Variants in TENM2 observed in about 807,000 individuals in gnomAD.
TENM2 encodes the protein teneurin transmembrane protein 2, also known as teneurin-2.
In TENM2, 52 loss-of-function variants were observed where a neutral mutation model predicts 245.2. The ratio of observed to expected loss-of-function variants is 0.21; its 90% CI spans 0.17 to 0.27. The LOEUF is 0.27. Ranked by LOEUF, TENM2 falls within the 10% of genes least tolerant of loss-of-function variation. The pLI is 1.00. For synonymous variants in TENM2, 1,363 were observed against 1,438.9 expected, an observed-to-expected ratio of 0.95 and a Z score of 1.19; for missense variants, 3,046 against 3,666.8, an observed-to-expected ratio of 0.83 and a Z score of 4.37.
chr5:167,282,973 C>T (rs931493257), upstream of TENM2, among the ~76,000 whole-genome samples: 1 of 152,140 alleles, frequency 6.6e-6, no homozygotes, highest in Non-Finnish European at 1.5e-5. Context: ...AAGCTAGCTA[C>T]TGCTTGTGCT....
chr5:167,302,604 C>T lies in TENM2; in HGVS notation c.226+17541C>T, dbSNP rs1445416063. ...GGGGCACAGAGATAAGAGGTCAGGG[C>T]GTGGAAAAGGATCAGGGTGCAGAGA... is the stretch of plus-strand genomic sequence containing the variant. On this transcript the variant is annotated intron_variant, in intron 1 of 28. Transcript: ENST00000518659. Among the ~76,000 whole-genome samples the T allele has an allele frequency of 6.1e-5, 9 of 147,566 alleles. No homozygotes were observed. In the South Asian group the frequency reaches 8.7e-4, roughly 14 times the overall value.
chr5:167,135,578 C>T, the TENM2 span, among the ~76,000 whole-genome samples: 1 of 152,094 alleles, frequency 6.6e-6, no homozygotes, highest in African/African-American at 2.4e-5. Flanking sequence ...AGATCGAGAC[C>T]ATCCTGGCTA....
chr5:167,671,531 G>C (rs1165618827), intron 2 of TENM2, among the ~76,000 whole-genome samples: 2 of 151,952 alleles, frequency 1.3e-5, no homozygotes. Flanking sequence ...AGTTTCCCAA[G>C]TGATTTGACA....
intron 4 of TENM2, 42 bp from the exon 7 acceptor site, chr5:167,992,902 G>A: frequency 1.3e-6 from 2 of 1,506,592 alleles, no homozygotes; most frequent in Middle Eastern, 3.4e-4. Flanking sequence ...GTTGCTCCTT[G>A]GCTACCCATG....
At chr5:168,158,850 T>TATATATATATATATATACACACAC (rs1339051385) in intron 12 of TENM2, among the ~76,000 whole-genome samples, 7 of 62,328 alleles carry the variant, frequency 1.1e-4, no homozygotes, top group Non-Finnish European at 1.9e-4. Flanking sequence ...TATATATATA[T>TATATATATATATATATACACACAC]ACACACACAC....
intron 2 of TENM2, among the ~76,000 whole-genome samples, chr5:167,503,270 A>G (rs1470249786): frequency 6.6e-6 from 1 of 152,226 alleles, no homozygotes; most frequent in African/African-American, 2.4e-5. Flanking sequence ...AATTGGAAGC[A>G]CATAAAGAAA....
the TENM2 span, among the ~76,000 whole-genome samples, chr5:167,067,176 A>G: frequency 6.6e-6 from 1 of 152,182 alleles, no homozygotes; most frequent in African/African-American, 2.4e-5. Context: ...GAGGGTGCAT[A>G]TTTTAAAAAC....
At chr5:168,031,287 G>A (rs576956332) in intron 5 of TENM2, among the ~76,000 whole-genome samples, 12 of 152,290 alleles carry the variant, frequency 7.9e-5, no homozygotes, top group Admixed American at 5.9e-4. Context: ...TCTGGAGAAG[G>A]TGACCACTAA....
At chr5:168,028,980 T>A (rs1786866098) in intron 5 of TENM2, among the ~76,000 whole-genome samples, 1 of 152,156 alleles carries the variant, frequency 6.6e-6, no homozygotes, top group Non-Finnish European at 1.5e-5. Context: ...CTCTCTTAAT[T>A]TGGCCAGGCT....
chr5:167,964,562 T>G (rs757820578), intron 4 of TENM2, among the ~76,000 whole-genome samples: 2 of 152,196 alleles, frequency 1.3e-5, no homozygotes, highest in Non-Finnish European at 2.9e-5. Context: ...TCTGTCCTTA[T>G]GGAGATTCTA....
intron 2 of TENM2, among the ~76,000 whole-genome samples, chr5:167,569,615 G>T (rs982302464): frequency 6.6e-6 from 1 of 152,178 alleles, no homozygotes; most frequent in African/African-American, 2.4e-5. Context: ...CTGTAAAATG[G>T]TTCCAGCAAC....
rs370494324 is a variant in TENM2 at position 168,262,404 on chromosome 5, G to T, written c.7919G>T (p.Arg2640Leu). The change falls in exon 29 of 29, where the codon CGC (arginine) becomes CTC (leucine). Residue 2640 changes from arginine to leucine, a missense_variant. By Grantham distance (102) the Arg-to-Leu change is moderately radical. Transcript: ENST00000518659. ...GTCACACTAGGCACCACCATCGGCC[G>T]CAAGGTGCTAGAGAGCGGGGTGAAC... The T allele has an allele frequency of 8.2e-6, 13 of 1,588,108 alleles. No individual in the cohort carries two copies. Among genetic ancestry groups the T allele is most frequent in the South Asian group, 4.6e-5 (4 of 86,658 alleles).
At chr5:168,149,405 G>A (rs774883705) in intron 12 of TENM2, 114 of 457,170 alleles carry the variant, frequency 2.5e-4, no homozygotes, top group African/African-American at 2.1e-3. Context: ...GAGGAGTCTG[G>A]TTTGCTGCAT....
the TENM2 span, among the ~76,000 whole-genome samples, chr5:167,238,009 C>CAAAAAAAAAA: frequency 6.8e-5 from 3 of 44,114 alleles, 1 homozygote; most frequent in African/African-American, 1.7e-4. Context: ...GACTCTGTCT[C>CAAAAAAAAAA]AAAAAAAAAA....
At chr5:167,145,079 C>A in the TENM2 span, among the ~76,000 whole-genome samples, 1 of 152,190 alleles carries the variant, frequency 6.6e-6, no homozygotes, top group Non-Finnish European at 1.5e-5. Context: ...TCAAATTTCC[C>A]TCTGCCTCTC....
At chr5:167,271,121 T>C in the TENM2 span, among the ~76,000 whole-genome samples, 4 of 152,118 alleles carry the variant, frequency 2.6e-5, no homozygotes, top group Admixed American at 1.3e-4. Context: ...AAGAGGGTGT[T>C]CAATCTTTTT....
At chr5:167,225,539 G>A in the TENM2 span, among the ~76,000 whole-genome samples, 1 of 151,828 alleles carries the variant, frequency 6.6e-6, no homozygotes, top group Non-Finnish European at 1.5e-5. Flanking sequence ...TAGTTATCTT[G>A]TTGATGTGCT....
At chr5:167,142,495 A>C in the TENM2 span, among the ~76,000 whole-genome samples, 1,265 of 151,768 alleles carry the variant, frequency 8.3e-3, 13 homozygotes, top group Admixed American at 0.019. Flanking sequence ...AAATAAAATA[A>C]AGACTAAGAA....
chr5:167,144,067 C>G, the TENM2 span, among the ~76,000 whole-genome samples: 1 of 151,898 alleles, frequency 6.6e-6, no homozygotes. Context: ...TTTTTTAAAC[C>G]CAAGCAGCTG....
Sources: gnomAD v4.1 joint callset for allele counts (sites outside exome capture counted in the v4.1 genomes callset) on GRCh38, gnomAD v4.1.1 for gene constraint, MANE v1.5 for transcripts, NCBI Gene and HGNC (gene_info 2026-07-23, HGNC 2026-07-21) for gene names.